The following KIAA0232 variants were observed in gnomAD, a reference collection of about 807,000 sequenced individuals.
KIAA0232 encodes the protein uncharacterized protein KIAA0232.
Under a neutral mutation model 122.0 loss-of-function variants are expected in KIAA0232, and 27 were observed. The observed-to-expected ratio is 0.22, with a 90% CI of 0.16 to 0.31. KIAA0232 has a LOEUF of 0.31. KIAA0232 is among the 10% of genes least tolerant of loss of function. KIAA0232 has a pLI of 1.00. For missense variants in KIAA0232, 1,551 were observed against 1,634.2 expected, an observed-to-expected ratio of 0.95 and a Z score of 0.88; for synonymous variants, 613 against 587.6, an observed-to-expected ratio of 1.04 and a Z score of -0.63.
chr4:6,834,408 T>C (rs908032194), intron 3 of KIAA0232, among the ~76,000 whole-genome samples: 1 of 152,212 alleles, frequency 6.6e-6, no homozygotes, highest in African/African-American at 2.4e-5. Flanking sequence ...CAACTATTGC[T>C]ATTATTGTTG....
intron 3 of KIAA0232, among the ~76,000 whole-genome samples, chr4:6,825,629 G>C (rs1011633994): frequency 7.2e-5 from 11 of 151,878 alleles, no homozygotes; most frequent in African/African-American, 2.7e-4. Context: ...ACAGGTTCTT[G>C]AAAAAAATGT....
intron 4 of KIAA0232, among the ~76,000 whole-genome samples, chr4:6,850,663 A>G (rs999780694): frequency 2.0e-5 from 3 of 151,906 alleles, no homozygotes; most frequent in African/African-American, 7.3e-5. Flanking sequence ...GAAAGTAGAA[A>G]GGAACATTCT....
intron 2 of KIAA0232, among the ~76,000 whole-genome samples, chr4:6,813,414 A>G (rs1044663151): frequency 8.6e-5 from 13 of 151,390 alleles, no homozygotes; most frequent in Admixed American, 4.6e-4. Flanking sequence ...CCAGGCTGGA[A>G]TGCAGTGGCG....
At chr4:6,792,322 T>C (rs191222207) in intron 1 of KIAA0232, among the ~76,000 whole-genome samples, 4 of 152,314 alleles carry the variant, frequency 2.6e-5, no homozygotes, top group African/African-American at 7.2e-5. Context: ...AGTGCTACAG[T>C]AAACATTTTT....
At chr4:6,879,030 G>A (rs1360034252) in intron 9 of KIAA0232, among the ~76,000 whole-genome samples, 3 of 152,036 alleles carry the variant, frequency 2.0e-5, no homozygotes, top group Non-Finnish European at 4.4e-5. Flanking sequence ...CAGTCTGCCT[G>A]CCAGTCCTGA....
At chr4:6,791,555 C>T (rs1716895025) in intron 1 of KIAA0232, among the ~76,000 whole-genome samples, 1 of 151,910 alleles carries the variant, frequency 6.6e-6, no homozygotes, top group Non-Finnish European at 1.5e-5. Flanking sequence ...TCTGGAACTC[C>T]TGAACTCAAG....
chr4:6,881,024 T>G lies in KIAA0232; in HGVS notation c.*58T>G. ...ATGATATGTGATGGAAAATTACTCT[T>G]CAGTGAGACCTGTTAATCTAAAACA... On this transcript the variant is annotated 3_prime_UTR_variant, in exon 10 of 10. Transcript: ENST00000307659. 2 of 1,233,382 alleles carry G rather than the reference T, an allele frequency of 1.6e-6. No individual in the cohort carries two copies. The highest frequency in any genetic ancestry group is 5.9e-5 in the East Asian group (2 of 33,660). The allele number at this position is 1,233,382 out of a possible 1,614,324, so 76.4% of individuals were successfully genotyped here. A position where few individuals can be genotyped will look rare whatever the true frequency, so the allele number is the denominator to read the frequency against.
In KIAA0232 at chr4:6,863,017, C is replaced by T; in HGVS notation, c.2635C>T (p.Arg879Trp). The stretch of plus-strand genomic sequence containing the variant: ...CCTTCAGGAGCCTGATAAGGCTGTG[C>T]GGAGGTCAGAGTACCATCTGTGGGA... ...ETLQEPDKAV[R>W]RSEYHLWEGQ... The change falls in exon 7 of 10, where the codon CGG becomes TGG. Residue 879 changes from arginine to tryptophan, a missense_variant. Coordinates refer to ENST00000307659, the MANE Select transcript of KIAA0232 (RefSeq NM_014743.3). The T allele has an allele frequency of 2.5e-6, 4 of 1,614,084 alleles. No individual in the cohort carries two copies. The highest frequency in any genetic ancestry group is 3.4e-6 in the Non-Finnish European group (4 of 1,180,008).
intron 1 of KIAA0232, among the ~76,000 whole-genome samples, chr4:6,786,066 G>A (rs1393248203): frequency 6.6e-6 from 1 of 151,882 alleles, no homozygotes; most frequent in African/African-American, 2.4e-5. Flanking sequence ...CTTCATTATT[G>A]TCTATATCAT....
chr4:6,852,336 T>A (rs1720335536), intron 4 of KIAA0232, among the ~76,000 whole-genome samples: 1 of 152,228 alleles, frequency 6.6e-6, no homozygotes, highest in African/African-American at 2.4e-5. Context: ...GCACATATTC[T>A]CAGTCTTCTC....
intron 3 of KIAA0232, among the ~76,000 whole-genome samples, chr4:6,836,803 G>A (rs1006735049): frequency 1.3e-5 from 2 of 151,944 alleles, no homozygotes; most frequent in Admixed American, 6.6e-5. Flanking sequence ...ATCTTGCACC[G>A]CCCTTAATCC....
In KIAA0232 at chr4:6,863,278, G is replaced by A. The variant is rs754839605; in HGVS notation, c.2896G>A (p.Val966Ile). The A allele has an allele frequency of 1.2e-6, 2 of 1,614,176 alleles. No homozygotes were observed. The highest frequency in any genetic ancestry group is 8.5e-7 in the Non-Finnish European group (1 of 1,180,028). The change falls in exon 7 of 10, where the codon GTT (valine) becomes ATT (isoleucine). Residue 966 changes from valine to isoleucine, a missense_variant. This residue lies in a region of KIAA0232 where 1,108 missense variants were observed against 1,154.8 expected (regional missense o/e 0.96). Transcript: ENST00000307659. ...TCTGTTACAGTGTGCAGCTTCTGAT[G>A]TTGTGACGATAGCTGGTACAGATGT... ...GSLLQCAASD[V>I]VTIAGTDVFM... is the part of the protein sequence containing the mutation.
chr4:6,791,208 C>T (rs578062623), intron 1 of KIAA0232, among the ~76,000 whole-genome samples: 12 of 151,356 alleles, frequency 7.9e-5, no homozygotes, highest in South Asian at 4.2e-4. Context: ...CATGAGCCAC[C>T]GTGCCTGGCC....
chr4:6,815,849 G>C (rs1303313028), intron 2 of KIAA0232, among the ~76,000 whole-genome samples: 1 of 152,160 alleles, frequency 6.6e-6, no homozygotes, highest in South Asian at 2.1e-4. Context: ...GTTTTAACCA[G>C]CTTTGAGATC....
intron 8 of KIAA0232, among the ~76,000 whole-genome samples, chr4:6,875,137 G>A (rs1318775656): frequency 1.3e-5 from 2 of 152,198 alleles, no homozygotes; most frequent in Admixed American, 6.5e-5. Context: ...CTCAGCAGAG[G>A]ACACATGGCA....
Position 6,881,040 on chromosome 4 carries a change from A to G in KIAA0232, c.*74A>G. 9.3e-7 allele frequency: 1 copy of G among 1,079,544 alleles called. No homozygotes were observed. Among genetic ancestry groups the G allele is most frequent in the Non-Finnish European group, 1.2e-6 (1 of 812,248 alleles). 66.9% of individuals were successfully genotyped at this position (1,079,544 alleles called of 1,614,324 possible). A position where few individuals can be genotyped will look rare whatever the true frequency, so the allele number is the denominator to read the frequency against. ...AATTACTCTTCAGTGAGACCTGTTA[A>G]TCTAAAACAACAACTTAGGTTTCCT... On this transcript the variant is annotated 3_prime_UTR_variant, in exon 10 of 10. Transcript: ENST00000307659.
At chr4:6,859,102 A>T (rs1720715410) in intron 6 of KIAA0232, among the ~76,000 whole-genome samples, 1 of 44,060 alleles carries the variant, frequency 2.3e-5, no homozygotes, top group African/African-American at 1.0e-4. Flanking sequence ...TGTCTTATTA[A>T]AAAAAAAAAA....
Position 6,864,077 on chromosome 4 carries a change from T to A in KIAA0232, c.3695T>A (p.Ile1232Lys). Residue 1232 changes from isoleucine (I) to lysine (K), a missense_variant, in exon 7 of 10, where the codon ATA becomes AAA. By Grantham distance (102) the Ile-to-Lys change is moderately radical (BLOSUM62 -3). Around this residue, in one of 5 missense-constraint regions of KIAA0232, gnomAD observed 1,108 missense variants for 1,154.8 expected, o/e 0.96. Coordinates refer to ENST00000307659, the MANE Select transcript of KIAA0232 (RefSeq NM_014743.3). The part of the protein sequence containing the change: ...DLESSEANCK[I>K]MAQCEEEINN... ...GAAAGCTCAGAAGCAAATTGTAAAA[T>A]AATGGCACAATGCGAGGAAGAAATT... 6.2e-7 allele frequency: 1 copy of A among 1,614,148 alleles called. No individual in the cohort carries two copies. The highest frequency in any genetic ancestry group is 8.5e-7 in the Non-Finnish European group (1 of 1,180,026).
At chr4:6,831,081 A>T (rs938779720) in intron 3 of KIAA0232, among the ~76,000 whole-genome samples, 4 of 151,244 alleles carry the variant, frequency 2.6e-5, no homozygotes, top group Non-Finnish European at 5.9e-5. Flanking sequence ...TTTGAGACGG[A>T]GTCTCGCCCT....
Sources: allele counts gnomAD v4.1 joint callset (sites outside exome capture counted in the v4.1 genomes callset), GRCh38; gene constraint gnomAD v4.1.1; regional missense constraint gnomAD v4.1.1; transcripts MANE v1.5; gene names NCBI Gene and HGNC (gene_info 2026-07-23, HGNC 2026-07-21).